The following TAF15 variants were observed in gnomAD, a reference collection of about 807,000 sequenced individuals.
TAF15 encodes TATA-binding protein-associated factor 2N.
Under a neutral mutation model 102.5 loss-of-function variants are expected in TAF15, and 37 were observed. The ratio of observed to expected loss-of-function variants is 0.36; its 90% CI spans 0.28 to 0.47. The LOEUF (loss-of-function observed/expected upper bound fraction) is 0.47. Ranked by LOEUF, TAF15 falls within the 20% of genes least tolerant of loss-of-function variation. The pLI is 0.99. For synonymous variants in TAF15, 273 were observed against 259.2 expected (o/e 1.05, Z -0.51); for missense variants, 652 against 760.7 (o/e 0.86, Z 1.68).
Position 35,824,142 on chromosome 17 carries a change from A to T in TAF15, c.549A>T (p.Gly183=). Residue 183 remains glycine, a synonymous_variant, in exon 7 of 16, where the codon GGA becomes GGT. Coordinates refer to ENST00000605844, the MANE Select transcript of TAF15 (RefSeq NM_139215.3). Reference sequence around the variant, plus strand: ...GAGGATATGGCGGGTCACAGGGAGGAGGTAGAGGGCGTGGGGGATATGACA... The same window carrying T: ...GAGGATATGGCGGGTCACAGGGAGGTGGTAGAGGGCGTGGGGGATATGACA... The part of the protein sequence containing the change: ...DNRGYGGSQG[G]GRGRGGYDKD... The T allele has an allele frequency of 6.2e-7, 1 of 1,612,408 alleles. No individual in the cohort carries two copies. Among genetic ancestry groups the T allele is most frequent in the Non-Finnish European group, 8.5e-7 (1 of 1,179,384 alleles).
At chr17:35,819,044 C>T (rs1167045358) in intron 2 of TAF15, among the ~76,000 whole-genome samples, 2 of 152,096 alleles carry the variant, frequency 1.3e-5, no homozygotes, top group Non-Finnish European at 1.5e-5. Context: ...ATACAGCCTT[C>T]AACTTATAGG....
In TAF15 at chr17:35,844,521, C is replaced by T. The variant is rs200175347; in HGVS notation, c.1222C>T (p.Arg408Cys). ...GYGGERGYRG[R>C]GGRGGDRGGY... The stretch of plus-strand genomic sequence containing the variant: ...CGGTGGAGAGAGGGGCTACAGAGGT[C>T]GTGGGGGCAGAGGTGGAGACCGAGG... Residue 408 changes from arginine (R) to cysteine (C), a missense_variant, in exon 15 of 16, where the codon CGT becomes TGT. This residue lies in a region of TAF15 where 368 missense variants were observed against 367.5 expected (regional missense o/e 1.00). Transcript: ENST00000605844. 206 of 1,605,750 alleles carry T rather than the reference C, an allele frequency of 1.3e-4. No individual in the cohort carries two copies. The highest frequency in any genetic ancestry group is 1.6e-4 in the Non-Finnish European group (185 of 1,176,224).
Position 35,844,271 on chromosome 17 carries a change from C to T in TAF15, c.1089-9C>T, listed in dbSNP as rs201444784. 1 of 1,614,076 alleles carries T rather than the reference C, an allele frequency of 6.2e-7. No homozygotes were observed. Among genetic ancestry groups the T allele is most frequent in the Non-Finnish European group, 8.5e-7 (1 of 1,179,940 alleles). On this transcript the variant is annotated splice_polypyrimidine_tract_variant and intron_variant, in intron 13 of 15. Transcript: ENST00000605844. ...TATATAGGAGCATTATATTTTCCTC[C>T]TTTCTTAGGTCATGCGGAAATATGA...
chr17:35,820,462 A>G (rs753946173), intron 5 of TAF15, 25 bp downstream of exon 5: 5 of 1,599,566 alleles, frequency 3.1e-6, no homozygotes, highest in Admixed American at 3.3e-5. Context: ...AAATACTGAG[A>G]TTGTTTTGGG....
chr17:35,818,994 T>C (rs2087226984), intron 2 of TAF15, among the ~76,000 whole-genome samples: 1 of 152,182 alleles, frequency 6.6e-6, no homozygotes, highest in African/African-American at 2.4e-5. Flanking sequence ...AGTTCTATTT[T>C]TATGTGAGTG....
In TAF15 at chr17:35,820,217, C is replaced by T. The variant is rs771921231; in HGVS notation, c.153C>T (p.Ser51=). The change falls in exon 4 of 16, where the codon AGC becomes AGT. Residue 51 remains serine, a synonymous_variant. Transcript: ENST00000605844. ...TTDSSYGQNY[S]GYSSYGQSQS... is the part of the protein sequence containing the mutation. Reference sequence around the variant, plus strand: ...ATTCCTCTTATGGACAGAACTACAGCGGTTACTCCAGTTATGGACAAAGTC... The same window carrying T: ...ATTCCTCTTATGGACAGAACTACAGTGGTTACTCCAGTTATGGACAAAGTC... 16 of 1,613,928 alleles carry T rather than the reference C, an allele frequency of 9.9e-6. No homozygotes were observed. Among genetic ancestry groups the T allele is most frequent in the African/African-American group, 9.3e-5 (7 of 74,930 alleles).
Position 35,832,735 on chromosome 17 carries a change from A to AATC in TAF15, c.606-1172_606-1171insATC, listed in dbSNP as rs1447986031. 3.9e-3 allele frequency among the ~76,000 whole-genome samples: 601 copies of AATC among 152,342 alleles called. 7 individuals carry two copies. Among genetic ancestry groups the AATC allele is most frequent in the African/African-American group, 0.014 (572 of 41,568 alleles). ...CATATGAATCTTAAAGGATTACAGA[A>AATC]TTCAGTTAAGAGAAACAAGCTTTTA... On this transcript the variant is annotated intron_variant, in intron 7 of 15. Coordinates refer to ENST00000605844, the MANE Select transcript of TAF15 (RefSeq NM_139215.3).
chr17:35,834,399 T>G, intron 8 of TAF15, 167 bp from the exon 9 acceptor site: 1 of 657,080 alleles, frequency 1.5e-6, no homozygotes, highest in South Asian at 2.1e-5. Context: ...TTTCCTAAAC[T>G]TTAAATAAAA....
intron 2 of TAF15, chr17:35,818,820 A>G (rs4251734): frequency 0.032 from 4,852 of 152,258 alleles, 261 homozygotes; most frequent in African/African-American, 0.11. Flanking sequence ...TCTCGAAAAA[A>G]AAAAAAAAGT....
chr17:35,811,329 T>C (rs2087121888), intron 1 of TAF15: 2 of 152,232 alleles, frequency 1.3e-5, no homozygotes. Context: ...AGACACCAGA[T>C]ATTTGTTATT....
chr17:35,830,934 CTT>C (rs1163801452), intron 7 of TAF15, among the ~76,000 whole-genome samples: 2 of 152,122 alleles, frequency 1.3e-5, no homozygotes, highest in African/African-American at 4.8e-5. Context: ...GAGATTGAAG[CTT>C]ATGGAGAACC....
At chr17:35,818,566 G>A (rs2087222068) in intron 2 of TAF15, 1 of 152,162 alleles carries the variant, frequency 6.6e-6, no homozygotes, top group Non-Finnish European at 1.5e-5. Context: ...CCAGTACTTT[G>A]GGAGGCCAAG....
intron 5 of TAF15, among the ~76,000 whole-genome samples, chr17:35,820,963 A>G (rs975142008): frequency 5.3e-5 from 8 of 152,162 alleles, no homozygotes; most frequent in Admixed American, 3.9e-4. Flanking sequence ...ACTTAATTTT[A>G]TGCTATTTAC....
At chr17:35,846,577 G>A (rs1013014217) in intron 15 of TAF15, among the ~76,000 whole-genome samples, 4 of 152,182 alleles carry the variant, frequency 2.6e-5, no homozygotes, top group Non-Finnish European at 5.9e-5. Flanking sequence ...ATACATGTAA[G>A]TGCTTGCTCA....
chr17:35,815,232 C>G (rs937485445), intron 1 of TAF15, among the ~76,000 whole-genome samples: 2 of 152,192 alleles, frequency 1.3e-5, no homozygotes, highest in African/African-American at 4.8e-5. Flanking sequence ...AAACTATACA[C>G]TTGGAAATTC....
In TAF15 at chr17:35,844,760, A is replaced by T. The variant is rs554006733; in HGVS notation, c.1461A>T (p.Gly487=). The T allele has an allele frequency of 5.0e-6, 8 of 1,611,662 alleles. No individual in the cohort carries two copies. Among genetic ancestry groups the T allele is most frequent in the Non-Finnish European group, 6.8e-6 (8 of 1,179,008 alleles). ...ATGGAGGAGATCGAGGTGGCTATGG[A>T]GGAGACCGAGGTGGAGGCTATGGTG... ...GGYGGDRGGY[G]GDRGGGYGGD... is the part of the protein sequence containing the mutation. Residue 487 remains glycine, a synonymous_variant, in exon 15 of 16, where the codon GGA becomes GGT. Coordinates refer to ENST00000605844, the MANE Select transcript of TAF15 (RefSeq NM_139215.3).
At chr17:35,845,131 A>G (rs561860761) in intron 15 of TAF15, 93 bp downstream of exon 15, 2 of 1,481,720 alleles carry the variant, frequency 1.3e-6, no homozygotes, top group South Asian at 2.3e-5. Context: ...TGGAACTTGA[A>G]TTTCCCATTG....
At chr17:35,837,437 G>A (rs571526035) in intron 10 of TAF15, among the ~76,000 whole-genome samples, 4 of 151,984 alleles carry the variant, frequency 2.6e-5, no homozygotes, top group East Asian at 3.9e-4. Flanking sequence ...GATTACAGGC[G>A]TGATCCACCA....
At chr17:35,815,148 G>A (rs2087180508) in intron 1 of TAF15, among the ~76,000 whole-genome samples, 1 of 152,118 alleles carries the variant, frequency 6.6e-6, no homozygotes, top group Non-Finnish European at 1.5e-5. Flanking sequence ...CAGGAAATCT[G>A]AGCAAATACC....
Sources: allele counts gnomAD v4.1 joint callset (sites outside exome capture counted in the v4.1 genomes callset), GRCh38; gene constraint gnomAD v4.1.1; regional missense constraint gnomAD v4.1.1; transcripts MANE v1.5; gene names NCBI Gene and HGNC (gene_info 2026-07-23, HGNC 2026-07-21).